Variants in MZF1 observed in about 807,000 individuals in gnomAD.
MZF1 encodes myeloid zinc finger 1.
Under a neutral mutation model 28.6 loss-of-function variants are expected in MZF1, and 24 were observed. That is an observed-to-expected ratio of 0.84 (90% CI 0.61 to 1.18). MZF1 has a LOEUF of 1.18. MZF1 is among the 50% of genes most tolerant of loss of function. The pLI is 0.00. For synonymous variants in MZF1, 516 were observed against 432.5 expected, an observed-to-expected ratio of 1.19 and a Z score of -2.40; for missense variants, 1,166 against 1,026.4, an observed-to-expected ratio of 1.14 and a Z score of -1.86.
chr19:58,569,367 G>T lies in MZF1; in HGVS notation c.682C>A (p.Pro228Thr). The change falls in exon 5 of 6, where the codon CCC (proline) becomes ACC (threonine). Residue 228 changes from proline to threonine, a missense_variant. By Grantham distance (38) the Pro-to-Thr change is conservative. Coordinates refer to ENST00000215057, the MANE Select transcript of MZF1 (RefSeq NM_198055.2). ...CCCTCAGGCCCAGTCTTGCTGTGGG[G>T]AAAGATCTGGTCCAGCACGGTCCCA... ...RCGTVLDQIF[P>T]HSKTGPEGPS... is the part of the protein sequence containing the mutation. 1.2e-6 allele frequency: 2 copies of T among 1,614,050 alleles called. No homozygotes were observed. Among genetic ancestry groups the T allele is most frequent in the Non-Finnish European group, 1.7e-6 (2 of 1,179,972 alleles).
At position 58,562,687 on chromosome 19, in the gene MZF1, C is replaced by CTGCA; in HGVS notation, c.1586_1589dup (p.Gln530HisfsTer101). 6.5e-7 allele frequency: 1 copy of CTGCA among 1,538,592 alleles called. No homozygotes were observed. The highest frequency in any genetic ancestry group is 8.7e-7 in the Non-Finnish European group (1 of 1,148,340). ...GCTCGCCACTGTGCACGCGCCGGTG[C>CTGCA]TGCAGCAGCACTGAGCGGCGGCCGA... On this transcript the variant is annotated frameshift_variant, in exon 6 of 6. Transcript: ENST00000215057. LOFTEE classifies it low-confidence loss of function (END_TRUNC).
At chr19:58,565,535 G>A (rs1453440964) in intron 5 of MZF1, among the ~76,000 whole-genome samples, 1 of 150,960 alleles carries the variant, frequency 6.6e-6, no homozygotes, top group East Asian at 2.0e-4. Flanking sequence ...CAGCCCGTGT[G>A]TGTGTGTGCG....
intron 1 of MZF1, among the ~76,000 whole-genome samples, chr19:58,572,345 A>G (rs1487426181): frequency 6.6e-6 from 1 of 151,610 alleles, no homozygotes; most frequent in Non-Finnish European, 1.5e-5. Context: ...GCCCAACATC[A>G]CACTACGCAA....
chr19:58,563,533 TGACA>T (rs2053980677), intron 5 of MZF1, 29 bp from the exon 6 acceptor site: 3 of 1,483,118 alleles, frequency 2.0e-6, no homozygotes, highest in Non-Finnish European at 2.7e-6. Flanking sequence ...CATTCATTCA[TGACA>T]GAATGCCCAC....
At chr19:58,569,889 T>A (rs1249710463) in intron 3 of MZF1, 1 of 356,562 alleles carries the variant, frequency 2.8e-6, no homozygotes, top group East Asian at 5.3e-5. Flanking sequence ...AGGGTCCACA[T>A]AGGAATGGCA....
intron 5 of MZF1, among the ~76,000 whole-genome samples, chr19:58,564,902 GTTTTTTTT>G (rs71190056): frequency 0.021 from 882 of 41,918 alleles, 18 homozygotes; most frequent in African/African-American, 0.06. Context: ...CCATGTGTGT[GTTTTTTTT>G]TTTTTTTTTT....
In MZF1 at chr19:58,570,395, A is replaced by T. The variant is rs751818462; in HGVS notation, c.529T>A (p.Ser177Thr). ...TCTTTCACCTGCAGGCCCAGTGGTG[A>T]TTCCTGCATAGTCCTAGGAGGTGTC... ...PKTPPRTMQE[S>T]PLGLQVKEES... Residue 177 changes from serine to threonine, a missense_variant, in exon 3 of 6, where the codon TCA (serine) becomes ACA (threonine). Transcript: ENST00000215057. 1.9e-6 allele frequency: 3 copies of T among 1,613,378 alleles called. No individual in the cohort carries two copies. The East Asian group carries it at 6.7e-5, about 36-fold the overall frequency.
In MZF1 at chr19:58,562,226, G is replaced by C; in HGVS notation, c.2051C>G (p.Pro684Arg). Reference protein sequence around the residue: ...IHTGERPYACPECGKAFRQRP... With the variant: ...IHTGERPYACRECGKAFRQRP... Reference sequence around the variant, plus strand: ...CTGGCGGAAGGCCTTGCCACACTCAGGGCATGCGTAGGGCCGTTCACCCGT... The same window carrying C: ...CTGGCGGAAGGCCTTGCCACACTCACGGCATGCGTAGGGCCGTTCACCCGT... Residue 684 changes from proline to arginine, a missense_variant, in exon 6 of 6, where the codon CCT (proline) becomes CGT (arginine). Transcript: ENST00000215057. 3 of 1,608,782 alleles carry C rather than the reference G, an allele frequency of 1.9e-6. No homozygotes were observed. Among genetic ancestry groups the C allele is most frequent in the Non-Finnish European group, 2.5e-6 (3 of 1,179,176 alleles).
At chr19:58,569,826 C>G in intron 3 of MZF1, 1 of 508,484 alleles carries the variant, frequency 2.0e-6, no homozygotes. Flanking sequence ...GCCCCTGTAG[C>G]CGTATGTGAA....
chr19:58,570,326 C>T lies in MZF1; in HGVS notation c.580+18G>A, dbSNP rs2054134467. On this transcript the variant is annotated intron_variant, in intron 3 of 5. Coordinates refer to ENST00000215057, the MANE Select transcript of MZF1 (RefSeq NM_198055.2). ...CACCCAACCAGACCTTAGGCGCGCC[C>T]ACCGTGCATGCCCTCACCTGAGTCC... is the stretch of plus-strand genomic sequence containing the variant. 1 of 1,587,934 alleles carries T rather than the reference C, an allele frequency of 6.3e-7. No individual in the cohort carries two copies. Among genetic ancestry groups the T allele is most frequent in the African/African-American group, 1.4e-5 (1 of 73,794 alleles).
At position 58,563,232 on chromosome 19, in the gene MZF1, C is replaced by T. The variant is rs1568677703; in HGVS notation, c.1045G>A (p.Gly349Arg). ...RGRSRGRPST[G>R]GGVVRGGRCD... ...CGGCCGCCCCTAACCACCCCGCCCC[C>T]AGTGCTGGGGCGGCCCCGGCTCCGG... Residue 349 changes from glycine to arginine, a missense_variant, in exon 6 of 6, where the codon GGG becomes AGG. Transcript: ENST00000215057. 2 of 1,610,134 alleles carry T rather than the reference C, an allele frequency of 1.2e-6. No homozygotes were observed. Among genetic ancestry groups the T allele is most frequent in the Non-Finnish European group, 1.7e-6 (2 of 1,178,834 alleles).
rs545452499 is a variant in MZF1, at chr19:58,563,245, G to A, written c.1032C>T (p.Gly344=). Residue 344 remains glycine, a synonymous_variant, in exon 6 of 6, where the codon GGC becomes GGT. Coordinates refer to ENST00000215057, the MANE Select transcript of MZF1 (RefSeq NM_198055.2). ...RWRSPRGRSR[G]RPSTGGGVVR... is the part of the protein sequence containing the mutation. The stretch of plus-strand genomic sequence containing the variant: ...CCACCCCGCCCCCAGTGCTGGGGCG[G>A]CCCCGGCTCCGGCCCCTGGGGGAGC... The A allele has an allele frequency of 3.7e-6, 6 of 1,608,634 alleles. No individual in the cohort carries two copies. Among genetic ancestry groups the A allele is most frequent in the Non-Finnish European group, 5.1e-6 (6 of 1,178,036 alleles).
Position 58,562,796 on chromosome 19 carries a change from A to G in MZF1, c.1481T>C (p.Phe494Ser), listed in dbSNP as rs2053957856. ...CTCCAGCAGCACGGCGCGCCGCGCG[A>G]AGCTCTCGCGGCACTCGCTGCACGG... ...PFPCSECRESFARRAVLLEHQ... is the reference protein window; with the variant it reads ...PFPCSECRESSARRAVLLEHQ... The change falls in exon 6 of 6, where the codon TTC becomes TCC. Residue 494 changes from phenylalanine to serine, a missense_variant. Phe to Ser is a radical substitution (Grantham distance 155). Coordinates refer to ENST00000215057, the MANE Select transcript of MZF1 (RefSeq NM_198055.2). 2.0e-6 allele frequency: 3 copies of G among 1,534,232 alleles called. No homozygotes were observed. The highest frequency in any genetic ancestry group is 2.0e-5 in the Admixed American group (1 of 50,958).
Position 58,562,055 on chromosome 19 carries a change from G to C in MZF1, c.*17C>G. 6.5e-7 allele frequency: 1 copy of C among 1,547,096 alleles called. No individual in the cohort carries two copies. Among genetic ancestry groups the C allele is most frequent in the Non-Finnish European group, 8.7e-7 (1 of 1,147,100 alleles). On this transcript the variant is annotated 3_prime_UTR_variant, in exon 6 of 6. Transcript: ENST00000215057. ...AGGTGTTCTGACCATGGCGGACACA[G>C]TGCGTCCCGGCTGGAGCTACTCGGC...
Position 58,563,647 on chromosome 19 carries a change from A to C in MZF1, c.773-143T>G, listed in dbSNP as rs1172725055. 1.9e-5 allele frequency: 12 copies of C among 642,896 alleles called. No individual in the cohort carries two copies. The East Asian group carries it at 3.0e-4, about 16-fold the overall frequency. 39.8% of individuals were successfully genotyped at this position (642,896 alleles called of 1,614,324 possible). A position where few individuals can be genotyped will look rare whatever the true frequency, so the allele number is the denominator to read the frequency against. On this transcript the variant is annotated intron_variant, in intron 5 of 5. Coordinates refer to ENST00000215057, the MANE Select transcript of MZF1 (RefSeq NM_198055.2). ...GGAGGCGACAAATGCAGGGGTAGGG[A>C]TTCTATCTGTACAGACTTCCCTGAT... is the stretch of plus-strand genomic sequence containing the variant.
At position 58,561,943 on chromosome 19, in the gene MZF1, T is replaced by C; in HGVS notation, c.*129A>G. ...GGGTGGAGACCCAGTTTCCATCTAC[T>C]GTTTATTGGACACCTACAGTAGCCA... On this transcript the variant is annotated 3_prime_UTR_variant, in exon 6 of 6. Coordinates refer to ENST00000215057, the MANE Select transcript of MZF1 (RefSeq NM_198055.2). 1 of 936,530 alleles carries C rather than the reference T, an allele frequency of 1.1e-6. No homozygotes were observed. Among genetic ancestry groups the C allele is most frequent in the Non-Finnish European group, 1.6e-6 (1 of 637,350 alleles). The allele number at this position is 936,530 out of a possible 1,614,324, so 58.0% of individuals were successfully genotyped here.
intron 5 of MZF1, 100 bp downstream of exon 5, chr19:58,569,177 T>C: frequency 7.1e-7 from 1 of 1,415,884 alleles, no homozygotes; most frequent in Non-Finnish European, 9.4e-7. Flanking sequence ...TTGGGGATGC[T>C]GGAGTAAGAG....
intron 5 of MZF1, among the ~76,000 whole-genome samples, chr19:58,565,697 T>TA (rs1470963435): frequency 2.7e-5 from 4 of 150,256 alleles, no homozygotes; most frequent in East Asian, 2.0e-4. Context: ...CACGCCTGAC[T>TA]AATATTTTGT....
At position 58,562,433 on chromosome 19, in the gene MZF1, T is replaced by A; in HGVS notation, c.1844A>T (p.His615Leu). The A allele has an allele frequency of 6.2e-7, 1 of 1,611,562 alleles. No homozygotes were observed. Among genetic ancestry groups the A allele is most frequent in the Non-Finnish European group, 8.5e-7 (1 of 1,179,280 alleles). ...RFSQRLKLTR[H>L]QRTHTGEKPY... is the part of the protein sequence containing the mutation. The stretch of plus-strand genomic sequence containing the variant: ...CTTTTCGCCGGTGTGTGTCCTCTGA[T>A]GACGCGTGAGCTTGAGGCGCTGGCT... The change falls in exon 6 of 6, where the codon CAT becomes CTT. Residue 615 changes from histidine to leucine, a missense_variant. Coordinates refer to ENST00000215057, the MANE Select transcript of MZF1 (RefSeq NM_198055.2).
Sources: allele counts gnomAD v4.1 joint callset (sites outside exome capture counted in the v4.1 genomes callset), GRCh38; gene constraint gnomAD v4.1.1; transcripts MANE v1.5; gene names NCBI Gene and HGNC (gene_info 2026-07-23, HGNC 2026-07-21).